Variants in SHLD2 observed in about 807,000 individuals in gnomAD.
The protein encoded by SHLD2 is shieldin complex subunit 2, also known as RINN1-REV7-interacting novel NHEJ regulator 2.
SHLD2 carries 30 observed loss-of-function variants against 73.2 expected under a neutral mutation model. The observed-to-expected ratio is 0.41, with a 90% confidence interval of 0.31 to 0.56. The LOEUF is 0.56. Ranked by LOEUF, SHLD2 falls within the 20% of genes least tolerant of loss-of-function variation. The pLI, the probability that SHLD2 is intolerant of heterozygous loss-of-function variation, is 0.28. For synonymous variants in SHLD2, 285 were observed against 370.1 expected (o/e 0.77, Z 2.64); for missense variants, 745 against 1,055.9 (o/e 0.71, Z 4.08).
intron 6 of SHLD2, among the ~76,000 whole-genome samples, chr10:87,175,433 C>T (rs1264658442): frequency 1.3e-5 from 2 of 151,508 alleles, no homozygotes. Flanking sequence ...TGCCTGTAAT[C>T]CCAGCACTGT....
intron 2 of SHLD2, among the ~76,000 whole-genome samples, chr10:87,099,088 A>G (rs190553291): frequency 3.1e-4 from 47 of 152,308 alleles, no homozygotes; most frequent in Admixed American, 1.9e-3. Flanking sequence ...ATAAAGTTTA[A>G]TTATTTGTAG....
At chr10:87,140,584 A>G in intron 2 of SHLD2, among the ~76,000 whole-genome samples, 3 of 151,986 alleles carry the variant, frequency 2.0e-5, no homozygotes. Context: ...AACAGTGACT[A>G]TAAATTTTCC....
chr10:87,134,678 A>G (rs1382818801), intron 2 of SHLD2, among the ~76,000 whole-genome samples: 1 of 152,230 alleles, frequency 6.6e-6, no homozygotes, highest in East Asian at 1.9e-4. Context: ...TTGCTGAGAG[A>G]AATCCAGCAG....
At chr10:87,117,296 G>A (rs1035019824) in intron 2 of SHLD2, among the ~76,000 whole-genome samples, 1 of 151,992 alleles carries the variant, frequency 6.6e-6, no homozygotes, top group Non-Finnish European at 1.5e-5. Context: ...GTGCATGCCT[G>A]TAATCCCAGC....
intron 4 of SHLD2, among the ~76,000 whole-genome samples, chr10:87,164,289 G>C (rs1230903071): frequency 2.7e-5 from 4 of 150,738 alleles, no homozygotes; most frequent in Non-Finnish European, 5.9e-5. Flanking sequence ...GTCTGGCTCT[G>C]TTGCCCAGTC....
intron 1 of SHLD2, among the ~76,000 whole-genome samples, chr10:87,095,764 C>T (rs959185311): frequency 6.6e-6 from 1 of 152,208 alleles, no homozygotes; most frequent in African/African-American, 2.4e-5. Flanking sequence ...GACTGCTTCA[C>T]CTTTGCAGAC....
chr10:87,106,565 A>AACAGCTTTTTACTATTG (rs1411167181), intron 2 of SHLD2, among the ~76,000 whole-genome samples: 1 of 152,158 alleles, frequency 6.6e-6, no homozygotes, highest in Non-Finnish European at 1.5e-5. Flanking sequence ...CTGTTTTTTG[A>AACAGCTTTTTACTATTG]ACAGCTTTTT....
intron 2 of SHLD2, among the ~76,000 whole-genome samples, chr10:87,107,561 A>G (rs1165635642): frequency 6.6e-6 from 1 of 152,238 alleles, no homozygotes; most frequent in Non-Finnish European, 1.5e-5. Context: ...GCAACCTATT[A>G]AAGAGCTGTG....
intron 2 of SHLD2, among the ~76,000 whole-genome samples, chr10:87,145,952 TA>T (rs765273185): frequency 3.3e-5 from 5 of 152,248 alleles, no homozygotes; most frequent in Non-Finnish European, 5.9e-5. Flanking sequence ...TCTGTCTGTA[TA>T]ATTTGGCTAT....
intron 8 of SHLD2, among the ~76,000 whole-genome samples, chr10:87,185,927 C>T (rs1848591410): frequency 6.6e-6 from 1 of 152,122 alleles, no homozygotes; most frequent in African/African-American, 2.4e-5. Context: ...AGGCTGGTCT[C>T]AAACTCCTGG....
rs546624401 is a variant in SHLD2 at position 87,181,849 on chromosome 10, A to G, written c.2399+1546A>G. ...CACTGGTGCGATCTCAGCTCATCGC[A>G]ACCTCTGCCTCCCAGGTTCAAGTGA... On this transcript the variant is annotated intron_variant, in intron 8 of 9. Transcript: ENST00000298786. 3.8e-3 allele frequency among the ~76,000 whole-genome samples: 582 copies of G among 151,428 alleles called. 17 individuals are homozygous for G. The highest frequency in any genetic ancestry group is 1.0e-3 in the South Asian group (5 of 4,774).
chr10:87,138,911 A>C (rs1045431359), intron 2 of SHLD2, among the ~76,000 whole-genome samples: 3 of 152,178 alleles, frequency 2.0e-5, no homozygotes, highest in Non-Finnish European at 4.4e-5. Context: ...AGATTGTAGC[A>C]CAGAGTAGGG....
intron 2 of SHLD2, among the ~76,000 whole-genome samples, chr10:87,133,696 A>G (rs1299703854): frequency 6.6e-6 from 1 of 152,244 alleles, no homozygotes; most frequent in East Asian, 1.9e-4. Context: ...AAAAGTATAT[A>G]TGTTAAAGAA....
At chr10:87,115,831 G>A (rs546744935) in intron 2 of SHLD2, among the ~76,000 whole-genome samples, 1 of 152,242 alleles carries the variant, frequency 6.6e-6, no homozygotes, top group South Asian at 2.1e-4. Flanking sequence ...GAATCCTGGG[G>A]GAATATCAGC....
At chr10:87,155,860 A>T (rs1016258023) in intron 3 of SHLD2, among the ~76,000 whole-genome samples, 27 of 152,206 alleles carry the variant, frequency 1.8e-4, no homozygotes, top group Admixed American at 9.2e-4. Flanking sequence ...CATTTTTTTT[A>T]AAAATCAGAT....
chr10:87,138,353 A>G (rs1844946491), intron 2 of SHLD2, among the ~76,000 whole-genome samples: 2 of 151,688 alleles, frequency 1.3e-5, no homozygotes, highest in Non-Finnish European at 2.9e-5. Context: ...CAATGGGATG[A>G]CATCCATAAA....
Position 87,134,648 on chromosome 10 carries a change from A to C in SHLD2, c.-5-16702A>C, listed in dbSNP as rs537843609. ...TGGAACCTCTCCCAGGTATAGGGCA[A>C]CCACCCTTAGAAGGCAGGATTGCTG... On this transcript the variant is annotated intron_variant, in intron 2 of 9. Transcript: ENST00000298786. Among the ~76,000 whole-genome samples, 4 of 152,306 alleles carry C rather than the reference A, an allele frequency of 2.6e-5. No individual in the cohort carries two copies. In the South Asian group the frequency reaches 8.3e-4, roughly 32 times the overall value.
intron 3 of SHLD2, among the ~76,000 whole-genome samples, chr10:87,156,480 A>T (rs1354177758): frequency 7.2e-5 from 11 of 152,184 alleles, no homozygotes; most frequent in Non-Finnish European, 1.5e-4. Context: ...AAAAATAAGG[A>T]TTACCTAAGG....
chr10:87,150,237 G>A (rs1845917509), intron 2 of SHLD2, among the ~76,000 whole-genome samples: 1 of 151,160 alleles, frequency 6.6e-6, no homozygotes, highest in Admixed American at 6.6e-5. Context: ...GCTAATTTTT[G>A]TATTTTTAGT....
Sources: allele counts gnomAD v4.1 joint callset (sites outside exome capture counted in the v4.1 genomes callset), GRCh38; gene constraint gnomAD v4.1.1; transcripts MANE v1.5; gene names NCBI Gene and HGNC (gene_info 2026-07-23, HGNC 2026-07-21).